The following CEP63 variants were observed in gnomAD, a reference collection of about 807,000 sequenced individuals.
CEP63 encodes centrosomal protein of 63 kDa.
A neutral mutation model predicts 89.1 loss-of-function variants in CEP63; 84 were observed. The ratio of observed to expected loss-of-function variants is 0.94; its 90% CI spans 0.79 to 1.13. The LOEUF (loss-of-function observed/expected upper bound fraction) is 1.13. CEP63 is among the 50% of genes most tolerant of loss of function. CEP63 has a pLI of 0.00. For synonymous variants in CEP63, 267 were observed against 272.5 expected, an observed-to-expected ratio of 0.98 and a Z score of 0.20; for missense variants, 838 against 813.3, an observed-to-expected ratio of 1.03 and a Z score of -0.37.
chr3:134,512,047 A>G (rs1325221781), intron 3 of CEP63, among the ~76,000 whole-genome samples: 2 of 152,208 alleles, frequency 1.3e-5, no homozygotes, highest in South Asian at 2.1e-4. Flanking sequence ...CTCATCTTTC[A>G]TAGTACCAAG....
intron 5 of CEP63, 124 bp from the exon 6 acceptor site, chr3:134,537,031 C>T (rs937938755): frequency 2.5e-5 from 18 of 731,174 alleles, no homozygotes; most frequent in African/African-American, 1.9e-4. Context: ...ATGGGGCTCC[C>T]GCTGTGGAGA....
the CEP63 span, among the ~76,000 whole-genome samples, chr3:134,701,754 G>C: frequency 3.3e-5 from 5 of 152,024 alleles, no homozygotes; most frequent in Non-Finnish European, 4.4e-5. Flanking sequence ...AAGAAATAAG[G>C]GGTGTTCAAA....
At chr3:134,502,634 A>G (rs1338562931) in intron 2 of CEP63, among the ~76,000 whole-genome samples, 1 of 151,820 alleles carries the variant, frequency 6.6e-6, no homozygotes, top group Non-Finnish European at 1.5e-5. Context: ...GTCTGTGAGG[A>G]TCTTTTGTAC....
chr3:134,514,011 AG>A (rs1559911636), intron 3 of CEP63, among the ~76,000 whole-genome samples: 1 of 152,228 alleles, frequency 6.6e-6, no homozygotes, highest in Non-Finnish European at 1.5e-5. Flanking sequence ...GACAACACAA[AG>A]GAAAAATAGT....
the CEP63 span, chr3:134,650,967 G>T: frequency 7.4e-6 from 12 of 1,613,006 alleles, no homozygotes; most frequent in Non-Finnish European, 9.3e-6. Flanking sequence ...CCATGATGCC[G>T]CCTCCTTTCC....
At chr3:134,662,348 G>T in the CEP63 span, among the ~76,000 whole-genome samples, 1 of 151,650 alleles carries the variant, frequency 6.6e-6, no homozygotes, top group East Asian at 1.9e-4. Context: ...CACAGAATTT[G>T]CTGCCACCTT....
At chr3:134,518,471 G>C (rs1053454844) in intron 3 of CEP63, among the ~76,000 whole-genome samples, 7 of 152,040 alleles carry the variant, frequency 4.6e-5, no homozygotes, top group Non-Finnish European at 1.0e-4. Flanking sequence ...CTAGAACTCA[G>C]AACAATGAAA....
intron 3 of CEP63, among the ~76,000 whole-genome samples, chr3:134,514,911 G>A (rs1945875023): frequency 6.6e-6 from 1 of 152,184 alleles, no homozygotes; most frequent in Non-Finnish European, 1.5e-5. Flanking sequence ...AATAGATGGA[G>A]TTTTGCTATG....
chr3:134,523,949 G>A (rs1948069686), intron 3 of CEP63, among the ~76,000 whole-genome samples: 1 of 152,042 alleles, frequency 6.6e-6, no homozygotes, highest in Admixed American at 6.6e-5. Flanking sequence ...AGTTTAATAG[G>A]AATAGTGTTG....
chr3:134,779,069 T>C, the CEP63 span, among the ~76,000 whole-genome samples: 1 of 152,246 alleles, frequency 6.6e-6, no homozygotes, highest in Non-Finnish European at 1.5e-5. Context: ...CATATCTTTG[T>C]CTACATTTAA....
At chr3:134,730,580 T>C in the CEP63 span, among the ~76,000 whole-genome samples, 1 of 152,146 alleles carries the variant, frequency 6.6e-6, no homozygotes, top group Non-Finnish European at 1.5e-5. Context: ...GTTATTTGGA[T>C]CTGATAGAAG....
the CEP63 span, chr3:134,641,277 C>G: frequency 6.6e-6 from 1 of 152,122 alleles, no homozygotes; most frequent in African/African-American, 2.4e-5. Flanking sequence ...ATCCCTGGAA[C>G]CTGTGAATGT....
the CEP63 span, among the ~76,000 whole-genome samples, chr3:134,658,295 G>A: frequency 6.6e-6 from 1 of 152,194 alleles, no homozygotes; most frequent in Admixed American, 6.6e-5. Flanking sequence ...GTGTGTGCAT[G>A]TGTGTGTTTA....
chr3:134,690,084 T>C, the CEP63 span, among the ~76,000 whole-genome samples: 1 of 152,194 alleles, frequency 6.6e-6, no homozygotes, highest in African/African-American at 2.4e-5. Flanking sequence ...AATGCATAGT[T>C]TTCTCGTGAA....
the CEP63 span, among the ~76,000 whole-genome samples, chr3:134,684,254 G>T: frequency 6.6e-6 from 1 of 152,174 alleles, no homozygotes; most frequent in Non-Finnish European, 1.5e-5. Flanking sequence ...TGAGTGTATG[G>T]TTCCAACTGC....
chr3:134,779,410 G>T, the CEP63 span, among the ~76,000 whole-genome samples: 1 of 152,048 alleles, frequency 6.6e-6, no homozygotes, highest in South Asian at 2.1e-4. Context: ...TCCTATTATG[G>T]ATTGTGAGCC....
chr3:134,640,911 T>C, the CEP63 span, among the ~76,000 whole-genome samples: 1 of 152,194 alleles, frequency 6.6e-6, no homozygotes, highest in Non-Finnish European at 1.5e-5. Context: ...GCATTGGATG[T>C]CTACAACCAT....
the CEP63 span, among the ~76,000 whole-genome samples, chr3:134,594,696 C>G: frequency 3.3e-5 from 5 of 152,226 alleles, no homozygotes; most frequent in Non-Finnish European, 4.4e-5. Flanking sequence ...GATGTTGTAA[C>G]TCAACAGCTG....
chr3:134,715,196 C>T, the CEP63 span, among the ~76,000 whole-genome samples: 2 of 152,214 alleles, frequency 1.3e-5, no homozygotes, highest in African/African-American at 2.4e-5. Flanking sequence ...CTCCTCCATA[C>T]AGAGCCCGAA....
Sources: allele counts gnomAD v4.1 joint callset (sites outside exome capture counted in the v4.1 genomes callset), GRCh38; gene constraint gnomAD v4.1.1; transcripts MANE v1.5; gene names NCBI Gene and HGNC (gene_info 2026-07-23, HGNC 2026-07-21).